The following ANKRD27 variants were observed in gnomAD, a reference collection of about 807,000 sequenced individuals.
ANKRD27 encodes the protein ankyrin repeat domain 27, also known as ankyrin repeat domain-containing protein 27.
In ANKRD27, 112 loss-of-function variants were observed where a neutral mutation model predicts 129.7. The ratio of observed to expected loss-of-function variants is 0.86; its 90% CI spans 0.74 to 1.01. ANKRD27 has a LOEUF of 1.01. Ranked by LOEUF, ANKRD27 falls within the 50% of genes least tolerant of loss-of-function variation. ANKRD27 has a pLI of 0.00. For missense variants in ANKRD27, 1,258 were observed against 1,300.5 expected (o/e 0.97, Z 0.50); for synonymous variants, 516 against 511.2 (o/e 1.01, Z -0.13).
chr19:32,599,684 G>A lies in ANKRD27; in HGVS notation c.2919+20C>T, dbSNP rs757970763. On this transcript the variant is annotated intron_variant, in intron 28 of 28. Coordinates refer to ENST00000306065, the MANE Select transcript of ANKRD27 (RefSeq NM_032139.3). ...CGGGCTTTAGAAAATATGATTAAAA[G>A]CCAGTGTTTAATAACTTACCTCATG... 6.2e-7 allele frequency: 1 copy of A among 1,600,554 alleles called. No homozygotes were observed. Among genetic ancestry groups the A allele is most frequent in the African/African-American group, 1.3e-5 (1 of 74,174 alleles).
At chr19:32,639,624 G>A (rs1474943629) in intron 11 of ANKRD27, 136 bp from the exon 12 acceptor site, 10 of 848,090 alleles carry the variant, frequency 1.2e-5, no homozygotes, top group Non-Finnish European at 1.9e-5. Flanking sequence ...ACCATCCCCT[G>A]GATCTCTCTG....
Position 32,658,967 on chromosome 19 carries a change from G to A in ANKRD27, c.49C>T (p.Leu17=), listed in dbSNP as rs773031261. 2 of 1,614,108 alleles carry A rather than the reference G, an allele frequency of 1.2e-6. No homozygotes were observed. The highest frequency in any genetic ancestry group is 8.5e-7 in the Non-Finnish European group (1 of 1,180,022). The change falls in exon 2 of 29, where the codon CTG becomes TTG. Residue 17 remains leucine, a synonymous_variant. Coordinates refer to ENST00000306065, the MANE Select transcript of ANKRD27 (RefSeq NM_032139.3). ...DLLKNPFYLA[L]QKCRPDLCSK... ...CACAAGTCAGGGCGGCACTTTTGCA[G>A]AGCCAGATAGAAAGGATTTTTCAGG...
chr19:32,602,066 C>T lies in ANKRD27; in HGVS notation c.2716G>A (p.Val906Met), dbSNP rs1437902193. Residue 906 changes from valine (V) to methionine (M), a missense_variant, in exon 26 of 29, where the codon GTG becomes ATG. Physicochemically the swap from Val to Met is conservative, Grantham distance 21. Coordinates refer to ENST00000306065, the MANE Select transcript of ANKRD27 (RefSeq NM_032139.3). Reference sequence around the variant, plus strand: ...TACTCCTTGCGGTCAGTTTCAGCCACATCATCTAATGAAGCAACACAGCTT... The same window carrying T: ...TACTCCTTGCGGTCAGTTTCAGCCATATCATCTAATGAAGCAACACAGCTT... ...VPSCVASLDD[V>M]AETDRKEYVT... 3 of 1,614,098 alleles carry T rather than the reference C, an allele frequency of 1.9e-6. No individual in the cohort carries two copies. Among genetic ancestry groups the T allele is most frequent in the East Asian group, 2.2e-5 (1 of 44,872 alleles).
intron 17 of ANKRD27, among the ~76,000 whole-genome samples, chr19:32,623,067 T>C (rs1162164512): frequency 6.6e-6 from 1 of 151,938 alleles, no homozygotes; most frequent in Non-Finnish European, 1.5e-5. Context: ...GCTGGAATTA[T>C]AGATGTGAGC....
In ANKRD27 at chr19:32,605,912, T is replaced by C; in HGVS notation, c.2416A>G (p.Lys806Glu). ...LLDSNAKPNK[K>E]DLSGNTPLIY... ...AGGGGCGTGTTTCCACTGAGGTCCT[T>C]CTTATTGGGTTTTGCATTCGAATCT... is the stretch of plus-strand genomic sequence containing the variant. The change falls in exon 24 of 29, where the codon AAG becomes GAG. Residue 806 changes from lysine to glutamate, a missense_variant. Transcript: ENST00000306065. 6 of 1,613,944 alleles carry C rather than the reference T, an allele frequency of 3.7e-6. No individual in the cohort carries two copies. Among genetic ancestry groups the C allele is most frequent in the Non-Finnish European group, 5.1e-6 (6 of 1,179,964 alleles).
rs11325326 is a variant in ANKRD27 at position 32,606,151 on chromosome 19, C to CT, written c.2374-198dup. On this transcript the variant is annotated intron_variant, in intron 23 of 28. Transcript: ENST00000306065. ...TTGTTGTTCTTTTTGGTTTTTCTTT[C>CT]TTTTTTTTTTTTTTTTTTCCAGACA... 1.5e-3 allele frequency among the ~76,000 whole-genome samples: 192 copies of CT among 125,530 alleles called. 2 individuals are homozygous for CT. The highest frequency in any genetic ancestry group is 1.8e-3 in the Admixed American group (22 of 12,522). 82.4% of individuals were successfully genotyped at this position (125,530 alleles called of 152,430 possible). A position where few individuals can be genotyped will look rare whatever the true frequency, so the allele number is the denominator to read the frequency against.
At chr19:32,616,566 A>AAAAAGTGG (rs1971923325) in intron 21 of ANKRD27, among the ~76,000 whole-genome samples, 1 of 151,716 alleles carries the variant, frequency 6.6e-6, no homozygotes, top group Admixed American at 6.6e-5. Flanking sequence ...AAAAAAAAAA[A>AAAAAGTGG]AAGTGGAAGA....
At chr19:32,637,684 A>T (rs945350004) in intron 12 of ANKRD27, 2 of 152,276 alleles carry the variant, frequency 1.3e-5, no homozygotes, top group African/African-American at 2.4e-5. Flanking sequence ...GCGCAGCTGC[A>T]GCCGCCCAGC....
intron 2 of ANKRD27, among the ~76,000 whole-genome samples, chr19:32,658,260 T>C (rs1041427658): frequency 2.0e-5 from 3 of 152,092 alleles, no homozygotes; most frequent in African/African-American, 7.2e-5. Flanking sequence ...GCCGTCTAAG[T>C]AGGATGCCCG....
rs1485168846 is a variant in ANKRD27, at chr19:32,642,112, A to G, written c.816T>C (p.Ala272=). The change falls in exon 10 of 29, where the codon GCT becomes GCC. Residue 272 remains alanine, a synonymous_variant. Transcript: ENST00000306065. ...GTGGGGAGGTGCATTTGTTCAGCTG[A>G]GCCAGCTCTCTTTTGGCACGAGGTA... ...FNIPRAKREL[A]QLNKCTSPQQ... 6.2e-7 allele frequency: 1 copy of G among 1,609,024 alleles called. No individual in the cohort carries two copies. The highest frequency in any genetic ancestry group is 8.5e-7 in the Non-Finnish European group (1 of 1,176,918).
intron 24 of ANKRD27, among the ~76,000 whole-genome samples, chr19:32,604,638 G>C (rs1971704218): frequency 6.6e-6 from 1 of 151,482 alleles, no homozygotes; most frequent in African/African-American, 2.4e-5. Flanking sequence ...GAAAACAGAA[G>C]CCACTTAAAT....
chr19:32,650,501 A>G (rs1967392633), intron 2 of ANKRD27, among the ~76,000 whole-genome samples: 1 of 152,176 alleles, frequency 6.6e-6, no homozygotes, highest in South Asian at 2.1e-4. Context: ...AGCCTGGTCA[A>G]CATGGTGAAA....
intron 1 of ANKRD27, among the ~76,000 whole-genome samples, chr19:32,670,344 AAAG>A (rs938554276): frequency 5.3e-5 from 8 of 152,180 alleles, no homozygotes; most frequent in African/African-American, 1.7e-4. Flanking sequence ...CATGAAAAAA[AAAG>A]AAGAAAAAGG....
chr19:32,665,030 C>T (rs889380532), intron 1 of ANKRD27, among the ~76,000 whole-genome samples: 1 of 151,200 alleles, frequency 6.6e-6, no homozygotes, highest in Non-Finnish European at 1.5e-5. Context: ...TCGATTCATA[C>T]TAGCCACATT....
At chr19:32,643,867 C>T in intron 5 of ANKRD27, 1 of 552,324 alleles carries the variant, frequency 1.8e-6, no homozygotes, top group Non-Finnish European at 3.2e-6. Context: ...CATGACTTTA[C>T]CACTTGGTTT....
At chr19:32,607,877 A>G (rs1971771473) in intron 22 of ANKRD27, 45 bp from the exon 23 acceptor site, 1 of 1,555,152 alleles carries the variant, frequency 6.4e-7, no homozygotes, top group East Asian at 2.4e-5. Flanking sequence ...TCAGTATTGA[A>G]GAAACTGGGC....
chr19:32,661,686 G>A (rs1424840415), intron 1 of ANKRD27, among the ~76,000 whole-genome samples: 1 of 151,972 alleles, frequency 6.6e-6, no homozygotes, highest in East Asian at 1.9e-4. Flanking sequence ...AGTATACTTG[G>A]GGGATTGGTT....
chr19:32,626,827 C>G lies in ANKRD27; in HGVS notation c.1421G>C (p.Gly474Ala), dbSNP rs139798754. Residue 474 changes from glycine (G) to alanine (A), a missense_variant and splice_region_variant, in exon 16 of 29, where the codon GGG becomes GCG. By Grantham distance (60) the Gly-to-Ala change is moderately conservative. Coordinates refer to ENST00000306065, the MANE Select transcript of ANKRD27 (RefSeq NM_032139.3). ...CAGGAGGTCGATGAGGGATGCCTGC[C>G]CTGCAGAGCAGAAGGACGTCACGAT... ...HTPLHVAAVC[G>A]QASLIDLLVS... is the part of the protein sequence containing the mutation. The G allele has an allele frequency of 5.6e-6, 9 of 1,605,792 alleles. No individual in the cohort carries two copies. The African/African-American group carries it at 1.2e-4, about 21-fold the overall frequency.
chr19:32,615,709 G>A lies in ANKRD27; in HGVS notation c.2124C>T (p.Pro708=), dbSNP rs144164018. 7.4e-5 allele frequency: 119 copies of A among 1,614,046 alleles called. 1 individual carries two copies. The Middle Eastern group carries it at 2.0e-3, about 27-fold the overall frequency. Residue 708 remains proline, a synonymous_variant, in exon 22 of 29, where the codon CCC becomes CCT. Transcript: ENST00000306065. ...DAEDTVSAAD[P]EFCHPLCQCP... ...ACTGGCACAACGGGTGACAGAATTCGGGGTCCGCTGCACTGACAGTGTCCT... is the reference window on the plus strand; with the variant it reads ...ACTGGCACAACGGGTGACAGAATTCAGGGTCCGCTGCACTGACAGTGTCCT...
Sources: allele counts gnomAD v4.1 joint callset (sites outside exome capture counted in the v4.1 genomes callset), GRCh38; gene constraint gnomAD v4.1.1; transcripts MANE v1.5; gene names NCBI Gene and HGNC (gene_info 2026-07-23, HGNC 2026-07-21).